The following CDH12 variants were observed in gnomAD, a reference collection of about 807,000 sequenced individuals.
The protein encoded by CDH12 is cadherin-12.
A neutral mutation model predicts 74.1 loss-of-function variants in CDH12; 41 were observed. That is an observed-to-expected ratio of 0.55 (90% CI 0.43 to 0.72). The LOEUF is 0.72. CDH12 is among the 30% of genes least tolerant of loss of function. The pLI is 0.00. For synonymous variants in CDH12, 399 were observed against 355.0 expected (o/e 1.12, Z -1.39); for missense variants, 945 against 977.2 (o/e 0.97, Z 0.44).
intron 1 of CDH12, among the ~76,000 whole-genome samples, chr5:22,565,744 C>T (rs570944276): frequency 1.3e-5 from 2 of 151,724 alleles, no homozygotes; most frequent in Non-Finnish European, 2.9e-5. Context: ...AGGCAGATAG[C>T]AACAAAAAAG....
At chr5:22,475,486 T>C (rs1746131297) in intron 2 of CDH12, among the ~76,000 whole-genome samples, 2 of 151,942 alleles carry the variant, frequency 1.3e-5, no homozygotes, top group Admixed American at 1.3e-4. Flanking sequence ...ACTATATTAA[T>C]ATAAATACAT....
chr5:22,623,596 C>A (rs1738102540), intron 1 of CDH12, among the ~76,000 whole-genome samples: 1 of 152,130 alleles, frequency 6.6e-6, no homozygotes, highest in Non-Finnish European at 1.5e-5. Flanking sequence ...ACCTAGGAAT[C>A]CAACTTACAA....
chr5:22,315,975 C>T (rs1481250660), intron 3 of CDH12, among the ~76,000 whole-genome samples: 2 of 151,886 alleles, frequency 1.3e-5, no homozygotes, highest in Non-Finnish European at 2.9e-5. Context: ...GGAACAAGAT[C>T]AGCCAGCTAA....
chr5:22,591,025 T>G (rs533797999), intron 1 of CDH12, among the ~76,000 whole-genome samples: 1 of 152,346 alleles, frequency 6.6e-6, no homozygotes, highest in African/African-American at 2.4e-5. Context: ...TAACTCCCAT[T>G]AATGTTGCCC....
intron 1 of CDH12, among the ~76,000 whole-genome samples, chr5:22,790,460 T>G (rs1249460389): frequency 2.6e-5 from 4 of 152,092 alleles, no homozygotes; most frequent in Non-Finnish European, 4.4e-5. Flanking sequence ...AGTTCAGTCC[T>G]TACAAGTTAG....
In CDH12 at chr5:21,751,074, A is replaced by G. The variant is rs144406736; in HGVS notation, c.*663T>C. On this transcript the variant is annotated 3_prime_UTR_variant, in exon 15 of 15. Coordinates refer to ENST00000382254, the MANE Select transcript of CDH12 (RefSeq NM_004061.5). ...CTTACATATTGAACTTGATATTTTC[A>G]TATTTATTTCAATTTTCTGAAAGGA... 0.024 allele frequency: 3,604 copies of G among 152,404 alleles called. 66 individuals carry two copies. Among genetic ancestry groups the G allele is most frequent in the Middle Eastern group, 0.048 (14 of 294 alleles). The allele number at this position is 152,404 out of a possible 1,614,324, so 9.4% of individuals were successfully genotyped here. A position where few individuals can be genotyped will look rare whatever the true frequency, so the allele number is the denominator to read the frequency against.
chr5:21,894,134 T>A (rs533293567), intron 6 of CDH12, among the ~76,000 whole-genome samples: 2 of 152,200 alleles, frequency 1.3e-5, no homozygotes, highest in African/African-American at 4.8e-5. Context: ...ATCCCAGCAC[T>A]TTGGGAAGCC....
intron 6 of CDH12, among the ~76,000 whole-genome samples, chr5:21,894,310 C>CGGA (rs1753022865): frequency 7.1e-6 from 1 of 140,152 alleles, no homozygotes; most frequent in South Asian, 2.3e-4. Flanking sequence ...ACCCGGGAGG[C>CGGA]GGAGTTTGCA....
At chr5:22,645,359 A>T (rs1412531020) in intron 1 of CDH12, among the ~76,000 whole-genome samples, 1 of 152,096 alleles carries the variant, frequency 6.6e-6, no homozygotes, top group African/African-American at 2.4e-5. Context: ...GTAACTGCAG[A>T]TGTGGTAGAA....
At chr5:22,598,290 A>G (rs894292437) in intron 1 of CDH12, among the ~76,000 whole-genome samples, 3 of 152,194 alleles carry the variant, frequency 2.0e-5, no homozygotes, top group Non-Finnish European at 4.4e-5. Context: ...TTGAATTGTA[A>G]TAATTCCCAT....
At chr5:21,810,342 G>A (rs1327363669) in intron 9 of CDH12, among the ~76,000 whole-genome samples, 1 of 152,112 alleles carries the variant, frequency 6.6e-6, no homozygotes, top group Non-Finnish European at 1.5e-5. Context: ...CAGGAAGAGG[G>A]CTGTATGGCA....
intron 8 of CDH12, among the ~76,000 whole-genome samples, chr5:21,830,607 G>A (rs1037789442): frequency 6.6e-6 from 1 of 152,120 alleles, no homozygotes; most frequent in Non-Finnish European, 1.5e-5. Flanking sequence ...GTTTGATTAT[G>A]TAAAAGCTTT....
intron 1 of CDH12, among the ~76,000 whole-genome samples, chr5:22,542,233 CAT>C (rs1738137812): frequency 6.6e-6 from 1 of 152,140 alleles, no homozygotes; most frequent in African/African-American, 2.4e-5. Flanking sequence ...TTTTTACTGA[CAT>C]ATGATTTCAT....
intron 1 of CDH12, among the ~76,000 whole-genome samples, chr5:22,698,823 A>G (rs905246758): frequency 1.3e-5 from 2 of 148,714 alleles, no homozygotes; most frequent in Non-Finnish European, 3.0e-5. Flanking sequence ...CAGTTCAACA[A>G]TAAAAACTAA....
intron 3 of CDH12, among the ~76,000 whole-genome samples, chr5:22,225,141 G>C (rs926137639): frequency 2.0e-5 from 3 of 151,860 alleles, no homozygotes; most frequent in Non-Finnish European, 4.4e-5. Flanking sequence ...ATAACGATTC[G>C]GTTGCACCCT....
chr5:22,798,877 G>T (rs1010787114), intron 1 of CDH12, among the ~76,000 whole-genome samples: 1 of 152,126 alleles, frequency 6.6e-6, no homozygotes, highest in African/African-American at 2.4e-5. Context: ...ACTTTGGGAG[G>T]TGGAGGTAGC....
chr5:22,693,448 G>T (rs905738845), intron 1 of CDH12, among the ~76,000 whole-genome samples: 1 of 152,062 alleles, frequency 6.6e-6, no homozygotes, highest in Non-Finnish European at 1.5e-5. Flanking sequence ...GGAAGTAAGA[G>T]AGAAGGGGAC....
chr5:22,680,116 G>A (rs1183170833), intron 1 of CDH12, among the ~76,000 whole-genome samples: 2 of 152,088 alleles, frequency 1.3e-5, no homozygotes, highest in Non-Finnish European at 2.9e-5. Flanking sequence ...GAAGGGAGAA[G>A]GGGCAGGATG....
chr5:22,681,226 GGGGTGTGTGTGTGTGTGTGT>G (rs1741470274), intron 1 of CDH12, among the ~76,000 whole-genome samples: 1 of 38,292 alleles, frequency 2.6e-5, no homozygotes, highest in East Asian at 9.2e-4. Context: ...TGGGTATTGG[GGGGTGTGTGTGTGTGTGTGT>G]GTGTGTGTGT....
Sources: allele counts gnomAD v4.1 joint callset (sites outside exome capture counted in the v4.1 genomes callset), GRCh38; gene constraint gnomAD v4.1.1; transcripts MANE v1.5; gene names NCBI Gene and HGNC (gene_info 2026-07-23, HGNC 2026-07-21).